The following ST3GAL3 variants were observed in gnomAD, a reference collection of about 807,000 sequenced individuals.
ST3GAL3 encodes the protein CMP-N-acetylneuraminate-beta-1,4-galactoside alpha-2,3-sialyltransferase.
Under a neutral mutation model 50.1 loss-of-function variants are expected in ST3GAL3, and 21 were observed. That is an observed-to-expected ratio of 0.42 (90% CI 0.30 to 0.60). The LOEUF is 0.60. Ranked by LOEUF, ST3GAL3 falls within the 20% of genes least tolerant of loss-of-function variation. ST3GAL3 has a pLI of 0.19. For synonymous variants in ST3GAL3, 183 were observed against 190.0 expected, an observed-to-expected ratio of 0.96 and a Z score of 0.30; for missense variants, 353 against 489.4, an observed-to-expected ratio of 0.72 and a Z score of 2.63.
At chr1:43,865,529 G>C (rs571714312) in intron 5 of ST3GAL3, among the ~76,000 whole-genome samples, 3 of 152,060 alleles carry the variant, frequency 2.0e-5, no homozygotes, top group South Asian at 4.2e-4. Flanking sequence ...CACCATGCTG[G>C]GTACTAAGGA....
intron 5 of ST3GAL3, among the ~76,000 whole-genome samples, chr1:43,872,264 G>T (rs1276868099): frequency 5.3e-5 from 6 of 113,920 alleles, no homozygotes; most frequent in African/African-American, 1.7e-4. Context: ...TGGGGGGAAG[G>T]GGGGAGGGGC....
chr1:43,877,183 G>A (rs1331766726), intron 5 of ST3GAL3, among the ~76,000 whole-genome samples: 1 of 152,208 alleles, frequency 6.6e-6, no homozygotes, highest in Non-Finnish European at 1.5e-5. Context: ...TTGAGCCCCT[G>A]GACTGAAGAA....
At chr1:43,794,074 A>C (rs2058405355) in intron 3 of ST3GAL3, among the ~76,000 whole-genome samples, 1 of 135,870 alleles carries the variant, frequency 7.4e-6, no homozygotes, top group Admixed American at 7.8e-5. Flanking sequence ...ACACAGTGAG[A>C]CCCTGTCTCT....
intron 4 of ST3GAL3, among the ~76,000 whole-genome samples, chr1:43,827,256 C>G (rs944019941): frequency 1.3e-5 from 2 of 152,070 alleles, no homozygotes; most frequent in Middle Eastern, 3.4e-3. Context: ...GGTTAATACA[C>G]AAAAGGCAAT....
chr1:43,826,482 G>T (rs1296833278), intron 4 of ST3GAL3, among the ~76,000 whole-genome samples: 1 of 152,074 alleles, frequency 6.6e-6, no homozygotes, highest in Non-Finnish European at 1.5e-5. Context: ...TTCACTGGTG[G>T]ATTCTATCAA....
At position 43,899,214 on chromosome 1, in the gene ST3GAL3, G is replaced by A. The variant is rs2077854319; in HGVS notation, c.508G>A (p.Ala170Thr). Residue 170 changes from alanine to threonine, a missense_variant, in exon 8 of 12, where the codon GCC (alanine) becomes ACC (threonine). Transcript: ENST00000347631. The surrounding 1 kb of genome is among the most constrained non-coding windows in gnomAD (Gnocchi z 5.4). ...CATCGTGGGCAATGGAGGCGTTCTT[G>A]CCAACAAGTCTCTGGGGTCACGAAT... ...CIIVGNGGVL[A>T]NKSLGSRIDD... 6.2e-7 allele frequency: 1 copy of A among 1,614,050 alleles called. No individual in the cohort carries two copies. Among genetic ancestry groups the A allele is most frequent in the Admixed American group, 1.7e-5 (1 of 60,008 alleles).
chr1:43,847,333 G>T (rs1048784720), intron 5 of ST3GAL3, among the ~76,000 whole-genome samples: 2 of 152,212 alleles, frequency 1.3e-5, no homozygotes, highest in African/African-American at 4.8e-5. Context: ...GGGCTCCAAA[G>T]GGTGTTTGTA....
chr1:43,864,352 G>A (rs1307549577), intron 5 of ST3GAL3, among the ~76,000 whole-genome samples: 8 of 152,206 alleles, frequency 5.3e-5, no homozygotes, highest in Non-Finnish European at 1.2e-4. Context: ...ACAAGGAGCT[G>A]TGTGTGCTCT....
intron 1 of ST3GAL3, among the ~76,000 whole-genome samples, chr1:43,715,226 T>C (rs1001300554): frequency 6.6e-6 from 1 of 152,178 alleles, no homozygotes; most frequent in African/African-American, 2.4e-5. Context: ...TTGTGAGTAT[T>C]GTCTGTCGAT....
At chr1:43,906,916 T>C (rs2079873120) in intron 9 of ST3GAL3, among the ~76,000 whole-genome samples, 1 of 152,192 alleles carries the variant, frequency 6.6e-6, no homozygotes, top group Admixed American at 6.5e-5. Context: ...ACTAGTTAAG[T>C]GGTAGAGCCT....
rs548913641 is a variant in ST3GAL3, at chr1:43,901,447, G to A, written c.744+1720G>A. Among the ~76,000 whole-genome samples, 12 of 152,366 alleles carry A rather than the reference G, an allele frequency of 7.9e-5. No individual in the cohort carries two copies. The South Asian group carries it at 2.5e-3, about 32-fold the overall frequency. Reference sequence around the variant, plus strand: ...AGGCCAAAGGGGTGGGTCAGAGCCTGTCATGGGTGTTATCACATGTTCCTT... The same window carrying A: ...AGGCCAAAGGGGTGGGTCAGAGCCTATCATGGGTGTTATCACATGTTCCTT... On this transcript the variant is annotated intron_variant, in intron 9 of 11. Coordinates refer to ENST00000347631, the MANE Select transcript of ST3GAL3 (RefSeq NM_006279.5).
chr1:43,797,994 T>C (rs1175968536), intron 3 of ST3GAL3, among the ~76,000 whole-genome samples: 1 of 152,180 alleles, frequency 6.6e-6, no homozygotes, highest in Non-Finnish European at 1.5e-5. Flanking sequence ...CGAAACCAAA[T>C]ACTTATGTGT....
At chr1:43,745,608 G>C (rs938399059) in intron 2 of ST3GAL3, among the ~76,000 whole-genome samples, 11 of 152,190 alleles carry the variant, frequency 7.2e-5, no homozygotes, top group Non-Finnish European at 1.5e-4. Flanking sequence ...TATTTTTACT[G>C]TAGCTTTTCT....
chr1:43,785,329 T>G (rs550976153), intron 2 of ST3GAL3, among the ~76,000 whole-genome samples: 13 of 152,246 alleles, frequency 8.5e-5, no homozygotes, highest in African/African-American at 3.1e-4. Flanking sequence ...GGAGGAGACA[T>G]GTGTTGCTCA....
chr1:43,753,838 G>A (rs1411076238), intron 2 of ST3GAL3, among the ~76,000 whole-genome samples: 3 of 152,152 alleles, frequency 2.0e-5, no homozygotes, highest in African/African-American at 7.2e-5. Context: ...GAGGGCTGCA[G>A]CTGGGTTGAA....
chr1:43,917,454 T>C (rs1486010420), intron 9 of ST3GAL3, among the ~76,000 whole-genome samples: 4 of 23,592 alleles, frequency 1.7e-4, no homozygotes, highest in East Asian at 1.3e-3. Flanking sequence ...ATATATAATA[T>C]ATAATATATA....
intron 5 of ST3GAL3, chr1:43,879,053 G>A (rs1353521128): frequency 2.2e-6 from 1 of 456,332 alleles, no homozygotes; most frequent in Non-Finnish European, 4.4e-6. Context: ...TGACATGTTA[G>A]AGAATGACTG....
chr1:43,762,674 A>G (rs1690982893), intron 2 of ST3GAL3, among the ~76,000 whole-genome samples: 2 of 152,190 alleles, frequency 1.3e-5, no homozygotes, highest in South Asian at 4.1e-4. Flanking sequence ...TACATACATA[A>G]GCATATATAT....
intron 5 of ST3GAL3, among the ~76,000 whole-genome samples, chr1:43,847,499 G>A (rs527653346): frequency 1.3e-5 from 2 of 152,306 alleles, no homozygotes; most frequent in South Asian, 2.1e-4. Context: ...AATGAACCTC[G>A]AGGACATTAT....
Sources: allele counts gnomAD v4.1 joint callset (sites outside exome capture counted in the v4.1 genomes callset), GRCh38; gene constraint gnomAD v4.1.1; non-coding constraint Gnocchi (gnomAD v3.1); transcripts MANE v1.5; gene names NCBI Gene and HGNC (gene_info 2026-07-23, HGNC 2026-07-21).